Variants in PLA2G4B observed in about 807,000 individuals in gnomAD.
PLA2G4B encodes cytosolic phospholipase A2 beta.
PLA2G4B carries 122 observed loss-of-function variants against 95.8 expected under a neutral mutation model. The ratio of observed to expected loss-of-function variants is 1.27; its 90% confidence interval spans 1.10 to 1.48. The LOEUF is 1.48. PLA2G4B is among the 40% of genes most tolerant of loss of function. The probability of loss-of-function intolerance (pLI) is 0.00; values close to 1 mark genes in which losing one functional copy is unlikely to be tolerated. For missense variants in PLA2G4B, 1,158 were observed against 996.2 expected, an observed-to-expected ratio of 1.16 and a Z score of -2.19; for synonymous variants, 518 against 421.5, an observed-to-expected ratio of 1.23 and a Z score of -2.80.
rs200604076 is a variant in PLA2G4B at position 41,845,932 on chromosome 15, C to T, written c.1496-11C>T. The T allele has an allele frequency of 2.5e-3, 3,855 of 1,514,606 alleles. 11 individuals are homozygous for T. Among genetic ancestry groups the T allele is most frequent in the African/African-American group, 4.1e-3 (292 of 71,712 alleles). The allele number at this position is 1,514,606 out of a possible 1,614,324, so 93.8% of individuals were successfully genotyped here. A position where few individuals can be genotyped will look rare whatever the true frequency, so the allele number is the denominator to read the frequency against. On this transcript the variant is annotated splice_polypyrimidine_tract_variant and intron_variant, in intron 15 of 19. Transcript: ENST00000458483. Reference sequence around the variant, plus strand: ...GTCGGGGGCCCTCTTCCCTCACGGCCGCTCTTTCAGGTATCTGGAGCAACC... The same window carrying T: ...GTCGGGGGCCCTCTTCCCTCACGGCTGCTCTTTCAGGTATCTGGAGCAACC...
intron 14 of PLA2G4B, 113 bp from the exon 15 acceptor site, chr15:41,845,507 GCACGAAGCCCAGGCCACA>G: frequency 6.7e-7 from 1 of 1,492,414 alleles, no homozygotes; most frequent in East Asian, 2.3e-5. Flanking sequence ...TAGGTCCTAT[GCACGAAGCCCAGGCCACA>G]AGGCCTGGGC....
intron 10 of PLA2G4B, chr15:41,843,309 G>A (rs954794210): frequency 5.5e-6 from 1 of 182,586 alleles, no homozygotes; most frequent in Non-Finnish European, 1.1e-5. Context: ...CTGGCCTCAA[G>A]TTATATGCCT....
chr15:41,840,824 C>T lies in PLA2G4B; in HGVS notation c.270C>T (p.Asp90=). ...ACCAGGACCTGGTGACCGGAGATGACCCTGTGTTGTCAGTACTGTTTGATG... is the reference window on the plus strand; with the variant it reads ...ACCAGGACCTGGTGACCGGAGATGATCCTGTGTTGTCAGTACTGTTTGATG... ...VFDQDLVTGD[D]PVLSVLFDAG... is the part of the protein sequence containing the mutation. Residue 90 remains aspartate (D), a synonymous_variant, in exon 4 of 20, where the codon GAC becomes GAT. Transcript: ENST00000458483. 1.2e-6 allele frequency: 2 copies of T among 1,614,116 alleles called. No homozygotes were observed. Among genetic ancestry groups the T allele is most frequent in the African/African-American group, 1.3e-5 (1 of 75,030 alleles).
chr15:41,843,532 A>G lies in PLA2G4B; in HGVS notation c.744-144A>G, dbSNP rs1356337559. 15 of 1,440,616 alleles carry G rather than the reference A, an allele frequency of 1.0e-5. No homozygotes were observed. In the Middle Eastern group the frequency reaches 9.5e-4, roughly 92 times the overall value. The allele number at this position is 1,440,616 out of a possible 1,614,324, so 89.2% of individuals were successfully genotyped here. A position where few individuals can be genotyped will look rare whatever the true frequency, so the allele number is the denominator to read the frequency against. On this transcript the variant is annotated intron_variant, in intron 10 of 19. Transcript: ENST00000458483. Reference sequence around the variant, plus strand: ...ATGGACACACTCTCCCCAGGTGTCAAACTTCAGTCTTGTGACACGGGAGTG... The same window carrying G: ...ATGGACACACTCTCCCCAGGTGTCAGACTTCAGTCTTGTGACACGGGAGTG...
At position 41,846,689 on chromosome 15, in the gene PLA2G4B, C is replaced by G. The variant is rs201482014; in HGVS notation, c.1801C>G (p.Pro601Ala). The G allele has an allele frequency of 1.2e-6, 2 of 1,612,002 alleles. No homozygotes were observed. The highest frequency in any genetic ancestry group is 4.5e-5 in the East Asian group (2 of 44,820). The change falls in exon 18 of 20, where the codon CCC (proline) becomes GCC (alanine). Residue 601 changes from proline (P) to alanine (A), a missense_variant. Coordinates refer to ENST00000458483, the MANE Select transcript of PLA2G4B (RefSeq NM_001114633.2). ...TWKATTLDGL[P>A]NQLTPSEPHL... ...TCCAGCTACCACTCTGGATGGGCTC[C>G]CCAACCAGCTGACACCCTCGGAGCC... is the stretch of plus-strand genomic sequence containing the variant.
chr15:41,846,047 G>T lies in PLA2G4B; in HGVS notation c.1600G>T (p.Asp534Tyr). Residue 534 changes from aspartate to tyrosine, a missense_variant and splice_region_variant, in exon 16 of 20, where the codon GAC becomes TAC. Transcript: ENST00000458483. ...CTGGGTCAGGAACCAGGCCAACCTG[G>T]GTAAGTGCTCCGGGCCCTTCATAAG... ...DRWVRNQANL[D>Y]KEQVPLLKIE... The T allele has an allele frequency of 6.4e-7, 1 of 1,563,692 alleles. No homozygotes were observed.
intron 8 of PLA2G4B, 64 bp downstream of exon 8, chr15:41,842,013 C>G (rs2065440734): frequency 1.9e-6 from 3 of 1,573,382 alleles, no homozygotes; most frequent in Admixed American, 3.5e-5. Context: ...TGCACCTCCT[C>G]CCAGTCTGAC....
Position 41,846,752 on chromosome 15 carries a change from A to G in PLA2G4B, c.1864A>G (p.Thr622Ala). ...CLLDVGYLIN[T>A]SCLPLLQPTR... is the part of the protein sequence containing the mutation. ...GCTGGATGTTGGCTACCTCATCAAT[A>G]CCAGCTGCCTGCCCCTCCTGCAGCC... Residue 622 changes from threonine to alanine, a missense_variant, in exon 18 of 20, where the codon ACC (threonine) becomes GCC (alanine). Transcript: ENST00000458483. 1 of 1,613,768 alleles carries G rather than the reference A, an allele frequency of 6.2e-7. No individual in the cohort carries two copies. The highest frequency in any genetic ancestry group is 8.5e-7 in the Non-Finnish European group (1 of 1,179,884).
chr15:41,840,009 C>T, intron 1 of PLA2G4B, 149 bp from the exon 2 acceptor site: 1 of 874,988 alleles, frequency 1.1e-6, no homozygotes, highest in Non-Finnish European at 1.7e-6. Flanking sequence ...TATCATGTCT[C>T]CTCTTGTTGA....
intron 12 of PLA2G4B, 46 bp downstream of exon 12, chr15:41,844,653 G>C (rs1382765751): frequency 6.2e-7 from 1 of 1,612,580 alleles, no homozygotes; most frequent in South Asian, 1.1e-5. Flanking sequence ...GGCAGGGGGT[G>C]CTGGTGCCAG....
At chr15:41,842,481 G>T in intron 9 of PLA2G4B, 73 bp from the exon 10 acceptor site, 2 of 1,593,528 alleles carry the variant, frequency 1.3e-6, no homozygotes, top group South Asian at 2.2e-5. Context: ...GGTGCGCCGG[G>T]GATCAGGGTA....
Position 41,846,675 on chromosome 15 carries a change from C to T in PLA2G4B, c.1787C>T (p.Thr596Ile). The T allele has an allele frequency of 6.2e-7, 1 of 1,609,632 alleles. No homozygotes were observed. The change falls in exon 18 of 20, where the codon ACT becomes ATT. Residue 596 changes from threonine to isoleucine, a missense_variant. Physicochemically the swap from Thr to Ile is moderately conservative, Grantham distance 89. Transcript: ENST00000458483. ...HPHFSTWKAT[T>I]LDGLPNQLTP... ...GCTCTCCCCAACCTTCCAGCTACCA[C>T]TCTGGATGGGCTCCCCAACCAGCTG...
chr15:41,845,516 C>A lies in PLA2G4B; in HGVS notation c.1358-122C>A, dbSNP rs748628711. ...GGGCCTTAGGTCCTATGCACGAAGC[C>A]CAGGCCACAAGGCCTGGGCCTCCTG... On this transcript the variant is annotated intron_variant, in intron 14 of 19. Coordinates refer to ENST00000458483, the MANE Select transcript of PLA2G4B (RefSeq NM_001114633.2). 59 of 1,510,716 alleles carry A rather than the reference C, an allele frequency of 3.9e-5. No individual in the cohort carries two copies. In the Middle Eastern group the frequency reaches 1.5e-3, roughly 37 times the overall value. The allele number at this position is 1,510,716 out of a possible 1,614,324, so 93.6% of individuals were successfully genotyped here.
chr15:41,847,493 A>G lies in PLA2G4B; in HGVS notation c.2104A>G (p.Ser702Gly), dbSNP rs1049343708. 6.2e-7 allele frequency: 1 copy of G among 1,609,136 alleles called. No individual in the cohort carries two copies. Among genetic ancestry groups the G allele is most frequent in the East Asian group, 2.2e-5 (1 of 44,718 alleles). Residue 702 changes from serine to glycine, a missense_variant, in exon 19 of 20, where the codon AGC becomes GGC. Coordinates refer to ENST00000458483, the MANE Select transcript of PLA2G4B (RefSeq NM_001114633.2). ...TGCGGTGCTGCACTTTCCTCTGGTCAGCGACTCCTTCCGGGAGTACTCGGC... is the reference window on the plus strand; with the variant it reads ...TGCGGTGCTGCACTTTCCTCTGGTCGGCGACTCCTTCCGGGAGTACTCGGC... ...APAVLHFPLVSDSFREYSAPG... is the reference protein window; with the variant it reads ...APAVLHFPLVGDSFREYSAPG...
rs774582861 is a variant in PLA2G4B at position 41,847,683 on chromosome 15, G to A, written c.2169G>A (p.Gly723=). The change falls in exon 20 of 20, where the codon GGG becomes GGA. Residue 723 remains glycine (G), a synonymous_variant. Coordinates refer to ENST00000458483, the MANE Select transcript of PLA2G4B (RefSeq NM_001114633.2). ...GGACACCCGAGGAGGCGGCAGCTGG[G>A]GAGGTGAACCTGTCTTCATCGGACT... ...VRRTPEEAAA[G]EVNLSSSDSP... 5.0e-6 allele frequency: 8 copies of A among 1,613,544 alleles called. No homozygotes were observed. In the Admixed American group the frequency reaches 1.3e-4, roughly 27 times the overall value.
chr15:41,844,569 T>A lies in PLA2G4B; in HGVS notation c.978T>A (p.Asp326Glu). ...LAGLKELGLL[D>E]CVSYITGASG... Reference sequence around the variant, plus strand: ...GCCTGAAGGAGCTGGGCCTCTTGGATTGCGTCTCCTACATCACCGGGGCCT... The same window carrying A: ...GCCTGAAGGAGCTGGGCCTCTTGGAATGCGTCTCCTACATCACCGGGGCCT... Residue 326 changes from aspartate to glutamate, a missense_variant, in exon 12 of 20, where the codon GAT (aspartate) becomes GAA (glutamate). Asp to Glu is a conservative substitution (Grantham distance 45). Coordinates refer to ENST00000458483, the MANE Select transcript of PLA2G4B (RefSeq NM_001114633.2). 1 of 1,614,124 alleles carries A rather than the reference T, an allele frequency of 6.2e-7. No individual in the cohort carries two copies. The highest frequency in any genetic ancestry group is 1.1e-5 in the South Asian group (1 of 91,082).
intron 10 of PLA2G4B, 44 bp from the exon 11 acceptor site, chr15:41,843,632 G>A (rs1229093935): frequency 1.3e-6 from 2 of 1,594,074 alleles, no homozygotes; most frequent in African/African-American, 2.7e-5. Flanking sequence ...CATTCTCTGG[G>A]GAGGGTTGAG....
chr15:41,842,387 C>G lies in PLA2G4B; in HGVS notation c.705+111C>G, dbSNP rs2065449178. On this transcript the variant is annotated intron_variant, in intron 9 of 19. Transcript: ENST00000458483. ...CCGTGGGTCACACCCTGAGCAGGTG[C>G]TGGGGCCAGGCTCTTTGGGGAGTGT... 7 of 1,551,142 alleles carry G rather than the reference C, an allele frequency of 4.5e-6. No homozygotes were observed. The South Asian group carries it at 5.9e-5, about 13-fold the overall frequency.
intron 14 of PLA2G4B, 72 bp downstream of exon 14, chr15:41,845,392 A>G: frequency 6.5e-7 from 1 of 1,548,056 alleles, no homozygotes; most frequent in Non-Finnish European, 8.8e-7. Flanking sequence ...GACTGTGTGC[A>G]GATTGCAGAT....
Sources: gnomAD v4.1 joint callset for allele counts on GRCh38, gnomAD v4.1.1 for gene constraint, MANE v1.5 for transcripts, NCBI Gene and HGNC (gene_info 2026-07-23, HGNC 2026-07-21) for gene names.